Variants in ZNF358 observed in about 807,000 individuals in gnomAD.
ZNF358 encodes the protein zinc finger protein 358.
Under a neutral mutation model 2.1 loss-of-function variants are expected in ZNF358, and 1 was observed. The ratio of observed to expected loss-of-function variants is 0.49; its 90% CI spans 0.17 to 2.30. ZNF358 has a LOEUF of 2.30. Among genes scored for constraint, ZNF358 ranks in the 30% most tolerant of loss-of-function variants. The pLI is 0.26. For synonymous variants in ZNF358, 381 were observed against 359.7 expected, an observed-to-expected ratio of 1.06 and a Z score of -0.67; for missense variants, 665 against 806.8, an observed-to-expected ratio of 0.82 and a Z score of 2.13.
chr19:7,520,516 G>T lies in ZNF358; in HGVS notation c.1274G>T (p.Ser425Ile). 1.6e-6 allele frequency: 2 copies of T among 1,280,756 alleles called. No individual in the cohort carries two copies. The highest frequency in any genetic ancestry group is 2.2e-6 in the Non-Finnish European group (2 of 902,474). 79.3% of individuals were successfully genotyped at this position (1,280,756 alleles called of 1,614,324 possible). Residue 425 changes from serine (S) to isoleucine (I), a missense_variant, in exon 2 of 2, where the codon AGC becomes ATC. Physicochemically the swap from Ser to Ile is moderately radical, Grantham distance 142. This residue lies in a region of ZNF358 where 249 missense variants were observed against 227.6 expected (regional missense o/e 1.09). Coordinates refer to ENST00000597229, the MANE Select transcript of ZNF358 (RefSeq NM_018083.5). The surrounding 1 kb of genome is among the most constrained non-coding windows in gnomAD (Gnocchi z 6.0). The part of the protein sequence containing the change: ...AAGLGLGPGL[S>I]PASMMRPGQV... Reference sequence around the variant, plus strand: ...GGCCTGGGCCTCGGGCCTGGCCTAAGCCCTGCATCCATGATGAGGCCGGGG... The same window carrying T: ...GGCCTGGGCCTCGGGCCTGGCCTAATCCCTGCATCCATGATGAGGCCGGGG...
At chr19:7,515,233 G>A (rs1484350171), upstream of ZNF358, 1 of 152,120 alleles carries the variant, frequency 6.6e-6, no homozygotes, top group African/African-American at 2.4e-5. Context: ...AGAACATCGC[G>A]GCCCAGCCAT....
rs140555415 is a variant in ZNF358 at position 7,516,624 on chromosome 19, G to T, written c.-39+375G>T. Among the ~76,000 whole-genome samples, 71 of 151,976 alleles carry T rather than the reference G, an allele frequency of 4.7e-4. No individual in the cohort carries two copies. Among genetic ancestry groups the T allele is most frequent in the African/African-American group, 1.6e-3 (67 of 41,480 alleles). On this transcript the variant is annotated intron_variant, in intron 1 of 1. Transcript: ENST00000597229. This position sits in a 1 kb window ranked among gnomAD's most constrained non-coding sequence, Gnocchi z 5.9. The stretch of plus-strand genomic sequence containing the variant: ...ATTCGAGGTATTGTTCCCACCTCCC[G>T]CCTGGGGTCTGGAGTTCAGGAGGCC...
chr19:7,520,323 G>C lies in ZNF358; in HGVS notation c.1081G>C (p.Ala361Pro), dbSNP rs777614859. 1 of 1,611,746 alleles carries C rather than the reference G, an allele frequency of 6.2e-7. No individual in the cohort carries two copies. Among genetic ancestry groups the C allele is most frequent in the Non-Finnish European group, 8.5e-7 (1 of 1,179,648 alleles). The change falls in exon 2 of 2, where the codon GCG (alanine) becomes CCG (proline). Residue 361 changes from alanine (A) to proline (P), a missense_variant. Ala to Pro is a conservative substitution (Grantham distance 27). Coordinates refer to ENST00000597229, the MANE Select transcript of ZNF358 (RefSeq NM_018083.5). This position sits in a 1 kb window ranked among gnomAD's most constrained non-coding sequence, Gnocchi z 6.0. ...CTCCAAGGCCTTCGGCCAGAGCTCAGCGCTGCTCCAGCACCTGCACGTGCA... is the reference window on the plus strand; with the variant it reads ...CTCCAAGGCCTTCGGCCAGAGCTCACCGCTGCTCCAGCACCTGCACGTGCA... ...HCSKAFGQSS[A>P]LLQHLHVHSG...
chr19:7,519,190 T>A lies in ZNF358; in HGVS notation c.-38-15T>A. The A allele has an allele frequency of 6.3e-7, 1 of 1,579,760 alleles. No homozygotes were observed. Among genetic ancestry groups the A allele is most frequent in the Non-Finnish European group, 8.6e-7 (1 of 1,164,518 alleles). On this transcript the variant is annotated splice_polypyrimidine_tract_variant and intron_variant, in intron 1 of 1. Transcript: ENST00000597229. ...GAACCCACCTACCCTCTACCCTCTA[T>A]CCTTGCCCTTGCAGGTCTTGCCCCA...
intron 1 of ZNF358, among the ~76,000 whole-genome samples, chr19:7,518,555 G>GAGAGAAAGAAAGAAAGAA (rs1568394027): frequency 7.3e-6 from 1 of 136,826 alleles, no homozygotes; most frequent in East Asian, 2.1e-4. Flanking sequence ...AAGAGAGAGA[G>GAGAGAAAGAAAGAAAGAA]AGAGAAAGAA....
chr19:7,514,825 A>C (rs372846971), upstream of ZNF358, among the ~76,000 whole-genome samples: 88 of 152,040 alleles, frequency 5.8e-4, 1 homozygote, highest in South Asian at 0.018. Context: ...TAGAGACAGG[A>C]TTTCACCATG....
chr19:7,520,838 C>T lies in ZNF358; in HGVS notation c.1596C>T (p.Ser532=), dbSNP rs200270707. The T allele has an allele frequency of 1.2e-6, 2 of 1,614,012 alleles. No individual in the cohort carries two copies. The highest frequency in any genetic ancestry group is 1.7e-6 in the Non-Finnish European group (2 of 1,179,966). Residue 532 remains serine (S), a synonymous_variant, in exon 2 of 2, where the codon TCC becomes TCT. Coordinates refer to ENST00000597229, the MANE Select transcript of ZNF358 (RefSeq NM_018083.5). The surrounding 1 kb of genome is among the most constrained non-coding windows in gnomAD (Gnocchi z 6.0). The stretch of plus-strand genomic sequence containing the variant: ...CCAGCCCTGATCCCAACCCTGTGTC[C>T]TGCCCTGACCCCTGTTCTCCCACTC... The part of the protein sequence containing the change: ...PVPSPDPNPV[S]CPDPCSPTRG...
rs1195967174 is a variant in ZNF358 at position 7,520,103 on chromosome 19, C to T, written c.861C>T (p.Gly287=). 3 of 1,593,692 alleles carry T rather than the reference C, an allele frequency of 1.9e-6. No individual in the cohort carries two copies. Among genetic ancestry groups the T allele is most frequent in the South Asian group, 1.1e-5 (1 of 90,398 alleles). Residue 287 remains glycine (G), a synonymous_variant, in exon 2 of 2, where the codon GGC becomes GGT. Transcript: ENST00000597229. This position sits in a 1 kb window ranked among gnomAD's most constrained non-coding sequence, Gnocchi z 6.0. ...TCAAACACCTGCGCACGCACACGGG[C>T]GAGCGGCCCTACCCGTGTCCGCAGT... is the stretch of plus-strand genomic sequence containing the variant. ...ALLKHLRTHT[G]ERPYPCPQCG... is the part of the protein sequence containing the mutation.
intron 1 of ZNF358, among the ~76,000 whole-genome samples, chr19:7,518,379 G>A (rs1395498359): frequency 6.6e-6 from 1 of 151,892 alleles, no homozygotes; most frequent in Non-Finnish European, 1.5e-5. Flanking sequence ...CTGAGGCCAA[G>A]GCCAGAGGTT....
upstream of ZNF358, among the ~76,000 whole-genome samples, chr19:7,514,758 G>A (rs1044219914): frequency 9.2e-5 from 14 of 151,968 alleles, no homozygotes; most frequent in African/African-American, 2.7e-4. Context: ...TCAGCCTCCC[G>A]AGTAGCTGGG....
rs1174636992 is a variant in ZNF358 at position 7,519,345 on chromosome 19, G to A, written c.103G>A (p.Asp35Asn). The change falls in exon 2 of 2, where the codon GAT (aspartate) becomes AAT (asparagine). Residue 35 changes from aspartate (D) to asparagine (N), a missense_variant. Asp to Asn is a conservative substitution (Grantham distance 23, BLOSUM62 1). This residue lies in a region of ZNF358 where 206 missense variants were observed against 228.4 expected (regional missense o/e 0.90). Transcript: ENST00000597229. The part of the protein sequence containing the change: ...DSEDLDPNPE[D>N]LDPVSEDPEP... ...CGAGGACCTAGACCCCAATCCTGAA[G>A]ATCTGGACCCGGTTTCTGAAGACCC... 1 of 1,613,540 alleles carries A rather than the reference G, an allele frequency of 6.2e-7. No individual in the cohort carries two copies. Among genetic ancestry groups the A allele is most frequent in the South Asian group, 1.1e-5 (1 of 91,070 alleles).
chr19:7,517,336 G>A (rs2146008511), intron 1 of ZNF358, among the ~76,000 whole-genome samples: 1 of 152,238 alleles, frequency 6.6e-6, no homozygotes, highest in South Asian at 2.1e-4. Flanking sequence ...GATGACTCAG[G>A]CGTTCCCCCA....
intron 1 of ZNF358, among the ~76,000 whole-genome samples, chr19:7,518,347 A>C (rs1410591153): frequency 6.6e-6 from 1 of 152,148 alleles, no homozygotes; most frequent in East Asian, 1.9e-4. Context: ...ACAGTGGCTC[A>C]TGCCTGTAAT....
At chr19:7,518,557 G>GAGAAAGGA (rs2022385918) in intron 1 of ZNF358, among the ~76,000 whole-genome samples, 1 of 116,066 alleles carries the variant, frequency 8.6e-6, no homozygotes, top group East Asian at 2.6e-4. Flanking sequence ...GAGAGAGAGA[G>GAGAAAGGA]AGAAAGAAAG....
At chr19:7,518,660 TGGGAGGATCGCTTGAGCCC>T (rs1342645110) in intron 1 of ZNF358, among the ~76,000 whole-genome samples, 2 of 151,584 alleles carry the variant, frequency 1.3e-5, no homozygotes, top group African/African-American at 4.9e-5. Flanking sequence ...GAGGCCGAGG[TGGGAGGATCGCTTGAGCCC>T]GGGAGTTCCA....
upstream of ZNF358, among the ~76,000 whole-genome samples, chr19:7,514,328 A>G (rs1383563386): frequency 6.6e-6 from 1 of 152,220 alleles, no homozygotes; most frequent in African/African-American, 2.4e-5. Context: ...CACAAAGGAA[A>G]AGAAAGTACT....
In ZNF358 at chr19:7,520,529, G is replaced by A. The variant is rs960510184; in HGVS notation, c.1287G>A (p.Met429Ile). 2.9e-5 allele frequency: 37 copies of A among 1,264,458 alleles called. No homozygotes were observed. Among genetic ancestry groups the A allele is most frequent in the Non-Finnish European group, 4.1e-5 (36 of 886,936 alleles). The allele number at this position is 1,264,458 out of a possible 1,614,324, so 78.3% of individuals were successfully genotyped here. A position where few individuals can be genotyped will look rare whatever the true frequency, so the allele number is the denominator to read the frequency against. The part of the protein sequence containing the change: ...GLGPGLSPAS[M>I]MRPGQVSLLG... Reference sequence around the variant, plus strand: ...GGCCTGGCCTAAGCCCTGCATCCATGATGAGGCCGGGGCAGGTCTCCCTCC... The same window carrying A: ...GGCCTGGCCTAAGCCCTGCATCCATAATGAGGCCGGGGCAGGTCTCCCTCC... The change falls in exon 2 of 2, where the codon ATG (methionine) becomes ATA (isoleucine). Residue 429 changes from methionine to isoleucine, a missense_variant. By Grantham distance (10) the Met-to-Ile change is conservative. Transcript: ENST00000597229. The surrounding 1 kb of genome is among the most constrained non-coding windows in gnomAD (Gnocchi z 6.0).
At chr19:7,517,725 A>G (rs1599244749) in intron 1 of ZNF358, among the ~76,000 whole-genome samples, 1 of 152,050 alleles carries the variant, frequency 6.6e-6, no homozygotes, top group East Asian at 1.9e-4. Flanking sequence ...CGATCTGTCT[A>G]AGAGAGAGGA....
At position 7,519,369 on chromosome 19, in the gene ZNF358, C is replaced by A. The variant is rs2022416656; in HGVS notation, c.127C>A (p.Pro43Thr). 1 of 1,613,534 alleles carries A rather than the reference C, an allele frequency of 6.2e-7. No homozygotes were observed. Residue 43 changes from proline (P) to threonine (T), a missense_variant, in exon 2 of 2, where the codon CCA becomes ACA. Physicochemically the swap from Pro to Thr is conservative, Grantham distance 38 (BLOSUM62 -1). Around this residue, in one of 3 missense-constraint regions of ZNF358, gnomAD observed 206 missense variants for 228.4 expected, o/e 0.90. Coordinates refer to ENST00000597229, the MANE Select transcript of ZNF358 (RefSeq NM_018083.5). Reference sequence around the variant, plus strand: ...AGATCTGGACCCGGTTTCTGAAGACCCAGAGCCTGATCCTGAAGACCTCAA... The same window carrying A: ...AGATCTGGACCCGGTTTCTGAAGACACAGAGCCTGATCCTGAAGACCTCAA... ...PEDLDPVSED[P>T]EPDPEDLNTV... is the part of the protein sequence containing the mutation.
Sources: gnomAD v4.1 joint callset for allele counts (sites outside exome capture counted in the v4.1 genomes callset) on GRCh38, gnomAD v4.1.1 for gene constraint, gnomAD v4.1.1 regional missense constraint, Gnocchi (gnomAD v3.1) non-coding constraint, MANE v1.5 for transcripts, NCBI Gene and HGNC (gene_info 2026-07-23, HGNC 2026-07-21) for gene names.